LHX4: variants seen among roughly 807,000 people sequenced by gnomAD.
LHX4 encodes the protein LIM homeobox 4.
In LHX4, 16 loss-of-function variants were observed where a neutral mutation model predicts 39.2. The ratio of observed to expected loss-of-function variants is 0.41; its 90% confidence interval spans 0.28 to 0.62. The LOEUF (loss-of-function observed/expected upper bound fraction) is 0.62. Ranked by LOEUF, LHX4 falls within the 20% of genes least tolerant of loss-of-function variation. The pLI, the probability that LHX4 is intolerant of heterozygous loss-of-function variation, is 0.33. For missense variants in LHX4, 439 were observed against 511.9 expected (o/e 0.86, Z 1.37); for synonymous variants, 206 against 198.1 (o/e 1.04, Z -0.33).
At chr1:180,271,208 G>A (rs1648634093) in intron 3 of LHX4, 172 bp from the exon 4 acceptor site, 1 of 723,030 alleles carries the variant, frequency 1.4e-6, no homozygotes. Context: ...CGTGGTGCAG[G>A]AGTCAGTGCC....
intron 1 of LHX4, 79 bp from the exon 2 acceptor site, chr1:180,248,206 A>G: frequency 7.0e-7 from 1 of 1,434,042 alleles, no homozygotes. Flanking sequence ...GCAGAGTGGG[A>G]AGGCACCCGC....
At position 180,274,351 on chromosome 1, in the gene LHX4, C is replaced by G. The variant is rs1354197690; in HGVS notation, c.945C>G (p.Ser315=). Residue 315 remains serine (S), a synonymous_variant, in exon 6 of 6, where the codon TCC becomes TCG. Transcript: ENST00000263726. Reference sequence around the variant, plus strand: ...CCTATGGAATCCCCCAGTCTCCATCCTCCATATCGTCCCTGCCATCCCACG... The same window carrying G: ...CCTATGGAATCCCCCAGTCTCCATCGTCCATATCGTCCCTGCCATCCCACG... ...GSPYGIPQSP[S]SISSLPSHAP... The G allele has an allele frequency of 6.2e-7, 1 of 1,614,226 alleles. No individual in the cohort carries two copies. Among genetic ancestry groups the G allele is most frequent in the Admixed American group, 1.7e-5 (1 of 60,032 alleles).
upstream of LHX4, among the ~76,000 whole-genome samples, chr1:180,229,477 A>C (rs1329008725): frequency 6.6e-6 from 1 of 152,070 alleles, no homozygotes; most frequent in Non-Finnish European, 1.5e-5. Flanking sequence ...CCCCTTCCCC[A>C]GCCCGGGCCG....
chr1:180,258,240 C>T (rs1647951921), intron 2 of LHX4, among the ~76,000 whole-genome samples: 1 of 152,126 alleles, frequency 6.6e-6, no homozygotes, highest in Admixed American at 6.5e-5. Context: ...GGGGTGTCCC[C>T]CTGAGCAGGT....
At chr1:180,249,039 C>A (rs575838613) in intron 2 of LHX4, among the ~76,000 whole-genome samples, 1 of 152,326 alleles carries the variant, frequency 6.6e-6, no homozygotes, top group East Asian at 1.9e-4. Flanking sequence ...ATGGTTGAGT[C>A]CAGGCTCTGC....
At chr1:180,257,604 G>GT (rs1349624386) in intron 2 of LHX4, among the ~76,000 whole-genome samples, 3 of 152,208 alleles carry the variant, frequency 2.0e-5, no homozygotes, top group African/African-American at 7.2e-5. Flanking sequence ...GGTACATACA[G>GT]TAACAGTAAA....
intron 5 of LHX4, chr1:180,273,406 AT>A (rs1648813671): frequency 6.6e-6 from 1 of 152,432 alleles, no homozygotes; most frequent in African/African-American, 2.4e-5. Context: ...CACCTAGAAC[AT>A]ACTGGATTGT....
chr1:180,228,747 C>G (rs989268346), upstream of LHX4, among the ~76,000 whole-genome samples: 1 of 152,172 alleles, frequency 6.6e-6, no homozygotes, highest in Admixed American at 6.5e-5. Flanking sequence ...GCAGCGCAGA[C>G]GACCAGGCCA....
chr1:180,238,517 A>C (rs1392871822), intron 1 of LHX4, among the ~76,000 whole-genome samples: 1 of 152,212 alleles, frequency 6.6e-6, no homozygotes, highest in Admixed American at 6.5e-5. Flanking sequence ...TGCGATGCTA[A>C]TTTTTAAAAT....
At chr1:180,237,284 A>G (rs1392774140) in intron 1 of LHX4, among the ~76,000 whole-genome samples, 1 of 152,002 alleles carries the variant, frequency 6.6e-6, no homozygotes, top group South Asian at 2.1e-4. Context: ...CTCTCTTTCT[A>G]GGCGCCCTGG....
At chr1:180,273,836 T>G (rs1648839407) in intron 5 of LHX4, 4 of 306,442 alleles carry the variant, frequency 1.3e-5, no homozygotes, top group African/African-American at 2.2e-5. Context: ...TAGTTTCCAT[T>G]TGTGATGTGG....
chr1:180,241,850 C>G (rs1664450509), intron 1 of LHX4, among the ~76,000 whole-genome samples: 1 of 152,012 alleles, frequency 6.6e-6, no homozygotes, highest in Non-Finnish European at 1.5e-5. Flanking sequence ...CAGAGTCTTA[C>G]TCTGTTGCCC....
chr1:180,264,378 AACACACACACACACAC>A (rs10561933), intron 2 of LHX4, among the ~76,000 whole-genome samples: 11 of 145,400 alleles, frequency 7.6e-5, no homozygotes, highest in South Asian at 4.5e-4. Context: ...ACACACACAT[AACACACACACACACAC>A]ACACACACAC....
At chr1:180,271,047 G>A (rs2149266017) in intron 3 of LHX4, 1 of 391,694 alleles carries the variant, frequency 2.6e-6, no homozygotes, top group Admixed American at 3.7e-5. Flanking sequence ...GGATGTGTGA[G>A]CAGAGTGTTT....
chr1:180,229,618 A>C (rs1251103617), upstream of LHX4, among the ~76,000 whole-genome samples: 2 of 151,940 alleles, frequency 1.3e-5, no homozygotes, highest in African/African-American at 4.8e-5. Flanking sequence ...GGCCAGGGGA[A>C]AGAGGAGGAG....
intron 1 of LHX4, among the ~76,000 whole-genome samples, chr1:180,237,156 C>A (rs541462377): frequency 1.3e-5 from 2 of 149,130 alleles, no homozygotes; most frequent in South Asian, 4.3e-4. Flanking sequence ...TTTGCAAAAT[C>A]TTTGCAGGGA....
In LHX4 at chr1:180,266,025, G is replaced by C. The variant is rs1193954506; in HGVS notation, c.249-367G>C. 6.6e-6 allele frequency among the ~76,000 whole-genome samples: 1 copy of C among 152,220 alleles called. No individual in the cohort carries two copies. Among genetic ancestry groups the C allele is most frequent in the Non-Finnish European group, 1.5e-5 (1 of 68,038 alleles). ...GTCCTCTGGGATCAACCATAAGGGT[G>C]AGGAAGCTGGGAGGTGGAGGGGGAG... On this transcript the variant is annotated intron_variant, in intron 2 of 5. Transcript: ENST00000263726. The surrounding 1 kb of genome is among the most constrained non-coding windows in gnomAD (Gnocchi z 5.7).
intron 3 of LHX4, among the ~76,000 whole-genome samples, chr1:180,267,774 A>G (rs1440460931): frequency 4.6e-5 from 7 of 152,166 alleles, no homozygotes; most frequent in Non-Finnish European, 7.4e-5. Flanking sequence ...GCCCACACAC[A>G]TATTATACAG....
chr1:180,251,146 C>G (rs1294547922), intron 2 of LHX4, among the ~76,000 whole-genome samples: 1 of 152,240 alleles, frequency 6.6e-6, no homozygotes, highest in African/African-American at 2.4e-5. Flanking sequence ...CAGGGCCTGC[C>G]CCTTCCCTGA....
Sources: gnomAD v4.1 joint callset for allele counts (sites outside exome capture counted in the v4.1 genomes callset) on GRCh38, gnomAD v4.1.1 for gene constraint, Gnocchi (gnomAD v3.1) non-coding constraint, MANE v1.5 for transcripts, NCBI Gene and HGNC (gene_info 2026-07-23, HGNC 2026-07-21) for gene names.